Variants in RFC5 observed in about 807,000 individuals in gnomAD.
RFC5 encodes the protein A1 36 kDa subunit.
A neutral mutation model predicts 44.3 loss-of-function variants in RFC5; 26 were observed. The ratio of observed to expected loss-of-function variants is 0.59; its 90% CI spans 0.43 to 0.81. RFC5 has a LOEUF of 0.81. Among genes scored for constraint, RFC5 ranks in the 40% least tolerant of loss-of-function variants. RFC5 has a pLI of 0.00. For synonymous variants in RFC5, 155 were observed against 155.2 expected (o/e 1.00, Z 0.01); for missense variants, 328 against 418.6 (o/e 0.78, Z 1.89).
chr12:118,040,470 G>C, the RFC5 span, among the ~76,000 whole-genome samples: 1 of 152,018 alleles, frequency 6.6e-6, no homozygotes, highest in Middle Eastern at 3.2e-3. Context: ...CATTTAAAAA[G>C]GCACTGCCAG....
In RFC5 at chr12:118,029,637, T is replaced by A. The variant is rs894918473; in HGVS notation, c.872-134T>A. The A allele has an allele frequency of 4.0e-6, 3 of 755,418 alleles. No homozygotes were observed. The Admixed American group carries it at 5.5e-5, about 14-fold the overall frequency. The allele number at this position is 755,418 out of a possible 1,614,324, so 46.8% of individuals were successfully genotyped here. Reference sequence around the variant, plus strand: ...CACTGTTTCTACTTTCTTAGAGGTCTGGTATCTAGTGAGCAGGCTGAGGCC... The same window carrying A: ...CACTGTTTCTACTTTCTTAGAGGTCAGGTATCTAGTGAGCAGGCTGAGGCC... On this transcript the variant is annotated intron_variant, in intron 9 of 10. Coordinates refer to ENST00000454402, the MANE Select transcript of RFC5 (RefSeq NM_007370.7).
chr12:118,019,919 A>G lies in RFC5; in HGVS notation c.267+151A>G, dbSNP rs961168999. 7.0e-5 allele frequency: 48 copies of G among 689,720 alleles called. No homozygotes were observed. In the African/African-American group the frequency reaches 7.9e-4, roughly 11 times the overall value. 42.7% of individuals were successfully genotyped at this position (689,720 alleles called of 1,614,324 possible). ...TGAATATTTTAATTCCCTTTTTCCT[A>G]TAATGGTCATTTTGGTCTGGATTAG... is the stretch of plus-strand genomic sequence containing the variant. On this transcript the variant is annotated intron_variant, in intron 3 of 10. Transcript: ENST00000454402. This position sits in a 1 kb window ranked among gnomAD's most constrained non-coding sequence, Gnocchi z 4.2.
chr12:118,022,138 G>A (rs2030544418), intron 4 of RFC5, 148 bp from the exon 5 acceptor site: 1 of 645,976 alleles, frequency 1.5e-6, no homozygotes, highest in Non-Finnish European at 2.8e-6. Context: ...CTCTCTGAGT[G>A]ACCAAAGATG....
rs142111567 is a variant in RFC5, at chr12:118,023,947, T to C, written c.422-904T>C. Among the ~76,000 whole-genome samples the C allele has an allele frequency of 4.2e-3, 634 of 152,230 alleles. 5 individuals are homozygous for C. Among genetic ancestry groups the C allele is most frequent in the African/African-American group, 0.014 (602 of 41,528 alleles). Reference sequence around the variant, plus strand: ...AGAGGGGTGGCTAGGCAGGGCGCAGTGGCTCACACCTGTAATCCCAGTACT... The same window carrying C: ...AGAGGGGTGGCTAGGCAGGGCGCAGCGGCTCACACCTGTAATCCCAGTACT... On this transcript the variant is annotated intron_variant, in intron 5 of 10. Transcript: ENST00000454402.
At chr12:118,024,234 A>C (rs1002530711) in intron 5 of RFC5, among the ~76,000 whole-genome samples, 1 of 151,462 alleles carries the variant, frequency 6.6e-6, no homozygotes, top group South Asian at 2.1e-4. Context: ...CCAGCTACTC[A>C]GGAGGCTGAG....
At chr12:118,034,578 T>C (rs985618838), downstream of RFC5, 13 of 542,652 alleles carry the variant, frequency 2.4e-5, no homozygotes, top group Non-Finnish European at 3.8e-5. Flanking sequence ...CAAAGCGCTC[T>C]CTCTGTCTCT....
At chr12:118,035,293 T>C (rs778289414), downstream of RFC5, 9 of 1,614,212 alleles carry the variant, frequency 5.6e-6, no homozygotes, top group South Asian at 9.9e-5. Flanking sequence ...TGGACGTCAC[T>C]GTCATCCATG....
chr12:118,039,010 C>A, the RFC5 span, among the ~76,000 whole-genome samples: 4 of 152,114 alleles, frequency 2.6e-5, no homozygotes, highest in African/African-American at 9.7e-5. Flanking sequence ...AGAGAATGTT[C>A]TTTTTAGGCT....
downstream of RFC5, chr12:118,032,530 C>T (rs1042960676): frequency 1.3e-4 from 20 of 152,180 alleles, no homozygotes; most frequent in African/African-American, 3.6e-4. Context: ...TACCGTGACA[C>T]GATCGTGGCT....
intron 1 of RFC5, chr12:118,017,867 C>T (rs1276416512): frequency 1.5e-6 from 1 of 666,242 alleles, no homozygotes; most frequent in Non-Finnish European, 2.7e-6. Flanking sequence ...AATTCAGTGG[C>T]ATTAAGTACA....
At chr12:118,034,697 C>T, downstream of RFC5, 1 of 500,164 alleles carries the variant, frequency 2.0e-6, no homozygotes, top group East Asian at 3.4e-5. Flanking sequence ...GTCTTTTAGC[C>T]CTAAATGGTT....
At chr12:118,021,911 C>T (rs965184385) in intron 4 of RFC5, among the ~76,000 whole-genome samples, 4 of 151,852 alleles carry the variant, frequency 2.6e-5, no homozygotes, top group Non-Finnish European at 4.4e-5. Context: ...GAGCCAAGAT[C>T]GCGGCACTGC....
chr12:118,027,945 TC>T lies in RFC5; in HGVS notation c.794-6del. The T allele has an allele frequency of 6.3e-7, 1 of 1,579,850 alleles. No homozygotes were observed. ...AACTTGTTCCCTTTGCCTTAACTGC[TC>T]CTCTAGATATTACAGAGTTGAAAAC... is the stretch of plus-strand genomic sequence containing the variant. On this transcript the variant is annotated splice_polypyrimidine_tract_variant and splice_region_variant and intron_variant, in intron 8 of 10. Transcript: ENST00000454402.
rs567546329 is a variant in RFC5, at chr12:118,022,943, G to T, written c.421+584G>T. On this transcript the variant is annotated intron_variant, in intron 5 of 10. Transcript: ENST00000454402. Reference sequence around the variant, plus strand: ...TTCAGCAGCCTAGGGACTAAGCCCTGCGGGGACTTTTAAGTCTGGCCAGTC... The same window carrying T: ...TTCAGCAGCCTAGGGACTAAGCCCTTCGGGGACTTTTAAGTCTGGCCAGTC... Among the ~76,000 whole-genome samples, 5 of 152,304 alleles carry T rather than the reference G, an allele frequency of 3.3e-5. No homozygotes were observed. The East Asian group carries it at 9.7e-4, about 29-fold the overall frequency.
chr12:118,017,834 C>G (rs2137684946), intron 1 of RFC5: 1 of 674,932 alleles, frequency 1.5e-6, no homozygotes, highest in Non-Finnish European at 2.7e-6. Context: ...CCAAGCCCAT[C>G]CTGTAACCAT....
chr12:118,025,831 A>G lies in RFC5; in HGVS notation c.663+3A>G, dbSNP rs757619898. On this transcript the variant is annotated splice_donor_region_variant and intron_variant, in intron 7 of 10. Coordinates refer to ENST00000454402, the MANE Select transcript of RFC5 (RefSeq NM_007370.7). ...GTAGGGCTCTGAACATTTTGCAGGT[A>G]TGGTCTCAAGCAAATCCTTTTTTTT... The G allele has an allele frequency of 9.5e-6, 12 of 1,265,512 alleles. No homozygotes were observed. The East Asian group carries it at 2.1e-4, about 22-fold the overall frequency. The allele number at this position is 1,265,512 out of a possible 1,614,324, so 78.4% of individuals were successfully genotyped here.
chr12:118,031,089 C>T, intron 10 of RFC5, 93 bp from the exon 11 acceptor site: 1 of 825,572 alleles, frequency 1.2e-6, no homozygotes. Context: ...CCCACTCCTT[C>T]AACAGATTTT....
At chr12:118,018,908 T>C (rs542158104) in intron 1 of RFC5, among the ~76,000 whole-genome samples, 164 bp from the exon 2 acceptor site, 1 of 152,324 alleles carries the variant, frequency 6.6e-6, no homozygotes, top group African/African-American at 2.4e-5. Context: ...TTGGCCGGGC[T>C]GGTTGGTCTT....
intron 1 of RFC5, chr12:118,017,838 T>C (rs1479552327): frequency 1.5e-6 from 1 of 673,426 alleles, no homozygotes; most frequent in African/African-American, 1.8e-5. Flanking sequence ...GCCCATCCTG[T>C]AACCATTTTA....
Sources: gnomAD v4.1 joint callset for allele counts (sites outside exome capture counted in the v4.1 genomes callset) on GRCh38, gnomAD v4.1.1 for gene constraint, Gnocchi (gnomAD v3.1) non-coding constraint, MANE v1.5 for transcripts, NCBI Gene and HGNC (gene_info 2026-07-23, HGNC 2026-07-21) for gene names.